CROCC2: variants seen among roughly 807,000 people sequenced by gnomAD.
CROCC2 encodes ciliary rootlet coiled-coil protein 2.
Under a neutral mutation model 177.6 loss-of-function variants are expected in CROCC2, and 163 were observed. The observed-to-expected ratio is 0.92, with a 90% CI of 0.81 to 1.05. The LOEUF (loss-of-function observed/expected upper bound fraction) is 1.05, where lower values mean the gene tolerates loss of function less well. Among genes scored for constraint, CROCC2 ranks in the 50% least tolerant of loss-of-function variants. The probability of loss-of-function intolerance (pLI) is 0.00; values close to 1 mark genes in which losing one functional copy is unlikely to be tolerated. For missense variants in CROCC2, 1,929 were observed against 1,797.8 expected, an observed-to-expected ratio of 1.07 and a Z score of -1.32; for synonymous variants, 904 against 787.3, an observed-to-expected ratio of 1.15 and a Z score of -2.48.
intron 22 of CROCC2, 40 bp downstream of exon 22, chr2:240,964,665 C>G: frequency 6.5e-7 from 1 of 1,535,900 alleles, no homozygotes. Context: ...ACCAGGCACC[C>G]TCCCGCCTGG....
At chr2:240,915,172 G>T (rs145487739) in intron 1 of CROCC2, among the ~76,000 whole-genome samples, 360 of 152,280 alleles carry the variant, frequency 2.4e-3, no homozygotes, top group African/African-American at 8.4e-3. Context: ...GTGACCTCCC[G>T]GCCCCCCATT....
intron 7 of CROCC2, among the ~76,000 whole-genome samples, chr2:240,931,414 G>A (rs1361176192): frequency 6.6e-6 from 1 of 152,222 alleles, no homozygotes; most frequent in Non-Finnish European, 1.5e-5. Context: ...ACCCAGAACT[G>A]GAGTTTTCAG....
intron 27 of CROCC2, among the ~76,000 whole-genome samples, chr2:240,971,404 G>A (rs930416322): frequency 1.9e-4 from 29 of 152,312 alleles, no homozygotes; most frequent in African/African-American, 6.7e-4. Flanking sequence ...TTTGATGGGT[G>A]GGGCCGCTCA....
Position 240,967,423 on chromosome 2 carries a change from CGCGTGGGGCA to C in CROCC2, c.4228_4237del (p.Val1410CysfsTer19), listed in dbSNP as rs1357168418. ...GTGCAGGTGTGCCCGGGCCCAGAGC[CGCGTGGGGCA>C]GCTGCAGAAAGCCCTGGCTGAGGCG... On this transcript the variant is annotated frameshift_variant, in exon 26 of 32. Transcript: ENST00000690015. LOFTEE classifies it high-confidence loss of function. The C allele has an allele frequency of 2.5e-6, 3 of 1,219,426 alleles. No homozygotes were observed. The highest frequency in any genetic ancestry group is 3.6e-6 in the Non-Finnish European group (3 of 844,906). The allele number at this position is 1,219,426 out of a possible 1,614,324, so 75.5% of individuals were successfully genotyped here.
chr2:240,906,732 C>T (rs1033130593), intron 1 of CROCC2, 141 bp downstream of exon 1: 2 of 397,116 alleles, frequency 5.0e-6, no homozygotes, highest in Non-Finnish European at 8.9e-6. Context: ...ACGTGTTTGC[C>T]TTGAGCGTGC....
chr2:240,938,932 GTA>G (rs1559597950), intron 14 of CROCC2, among the ~76,000 whole-genome samples: 1 of 152,054 alleles, frequency 6.6e-6, no homozygotes, highest in Non-Finnish European at 1.5e-5. Context: ...TACTAAGGTT[GTA>G]TGTTTATATA....
chr2:240,920,911 G>C (rs1376038180), intron 3 of CROCC2, among the ~76,000 whole-genome samples: 1 of 152,190 alleles, frequency 6.6e-6, no homozygotes, highest in Non-Finnish European at 1.5e-5. Context: ...CGTGGAGTGG[G>C]GTGTCCAGCC....
rs1207032333 is a variant in CROCC2, at chr2:240,949,960, G to C, written c.2652+258G>C. Among the ~76,000 whole-genome samples, 4 of 152,156 alleles carry C rather than the reference G, an allele frequency of 2.6e-5. No homozygotes were observed. Among genetic ancestry groups the C allele is most frequent in the Admixed American group, 1.3e-4 (2 of 15,286 alleles). On this transcript the variant is annotated intron_variant, in intron 17 of 31. Transcript: ENST00000690015. The surrounding 1 kb of genome is among the most constrained non-coding windows in gnomAD (Gnocchi z 4.5). The stretch of plus-strand genomic sequence containing the variant: ...GAAGAGGCTGGAAGGGCTGCTGGCT[G>C]GTCTGGTGCAGTCTGAAGGATGAGG...
intron 19 of CROCC2, among the ~76,000 whole-genome samples, chr2:240,956,773 C>T (rs1322205072): frequency 6.6e-6 from 1 of 152,202 alleles, no homozygotes; most frequent in African/African-American, 2.4e-5. Context: ...TGGACACCCA[C>T]TGTTATTGCT....
intron 15 of CROCC2, among the ~76,000 whole-genome samples, chr2:240,946,967 G>C (rs1158057921): frequency 1.3e-5 from 2 of 152,256 alleles, no homozygotes; most frequent in African/African-American, 4.8e-5. Flanking sequence ...GTTGGGACGG[G>C]CACTCGCAGG....
rs1263205743 is a variant in CROCC2, at chr2:240,932,412, C to A, written c.1042C>A (p.Leu348Met). 2 of 717,472 alleles carry A rather than the reference C, an allele frequency of 2.8e-6. No individual in the cohort carries two copies. The highest frequency in any genetic ancestry group is 2.0e-5 in the Admixed American group (1 of 50,018). 44.4% of individuals were successfully genotyped at this position (717,472 alleles called of 1,614,324 possible). The change falls in exon 8 of 32, where the codon CTG becomes ATG. Residue 348 changes from leucine (L) to methionine (M), a missense_variant and splice_region_variant. Leu to Met is a conservative substitution (Grantham distance 15). This residue lies in a region of CROCC2 where 1,397 missense variants were observed against 1,239.9 expected (regional missense o/e 1.13). Transcript: ENST00000690015. ...IAALRTDLQN[L>M]VAQEDARCLE... ...TGCCCTCAGAACCGACCTGCAGAAC[C>A]TGGTTGGTGGGCAGGACGGGGGTGG...
intron 1 of CROCC2, among the ~76,000 whole-genome samples, chr2:240,911,189 A>C (rs765215740): frequency 9.8e-4 from 149 of 152,272 alleles, no homozygotes; most frequent in Non-Finnish European, 1.5e-3. Flanking sequence ...TTGTGGGAAA[A>C]TATACATAAC....
chr2:240,950,519 G>C lies in CROCC2; in HGVS notation c.2829+9G>C, dbSNP rs868619587. ...AGCACAAGATGCAACAGGTGATGGT[G>C]AGGCTGGGGGGCAGCGGGATTGCTC... is the stretch of plus-strand genomic sequence containing the variant. On this transcript the variant is annotated intron_variant, in intron 18 of 31. Transcript: ENST00000690015. 1.0e-5 allele frequency: 16 copies of C among 1,546,386 alleles called. No homozygotes were observed. The Middle Eastern group carries it at 1.0e-3, about 97-fold the overall frequency.
rs759358618 is a variant in CROCC2 at position 240,959,491 on chromosome 2, G to T, written c.3087+47G>T. The stretch of plus-strand genomic sequence containing the variant: ...CTCCTGGGGATGCCAGAGGACAGGA[G>T]AAAGCAGGGCAGGTACCAAGAGAGG... On this transcript the variant is annotated intron_variant, in intron 20 of 31. Coordinates refer to ENST00000690015, the MANE Select transcript of CROCC2 (RefSeq NM_001351305.2). 20 of 1,541,302 alleles carry T rather than the reference G, an allele frequency of 1.3e-5. No individual in the cohort carries two copies. The South Asian group carries it at 2.4e-4, about 19-fold the overall frequency.
At chr2:240,992,704 G>C (rs2059888215) in intron 31 of CROCC2, among the ~76,000 whole-genome samples, 1 of 152,240 alleles carries the variant, frequency 6.6e-6, no homozygotes. Flanking sequence ...CCCTGCCATG[G>C]CCAGTCAGGG....
chr2:240,926,672 C>T (rs1478473562), intron 5 of CROCC2, among the ~76,000 whole-genome samples: 2 of 152,258 alleles, frequency 1.3e-5, no homozygotes, highest in African/African-American at 2.4e-5. Flanking sequence ...CCTCCACAGA[C>T]GTCCCTCAGA....
At position 240,933,255 on chromosome 2, in the gene CROCC2, C is replaced by G; in HGVS notation, c.1376C>G (p.Ala459Gly). 1 of 1,548,774 alleles carries G rather than the reference C, an allele frequency of 6.5e-7. No individual in the cohort carries two copies. Among genetic ancestry groups the G allele is most frequent in the East Asian group, 2.4e-5 (1 of 40,904 alleles). The change falls in exon 10 of 32, where the codon GCA becomes GGA. Residue 459 changes from alanine to glycine, a missense_variant. Coordinates refer to ENST00000690015, the MANE Select transcript of CROCC2 (RefSeq NM_001351305.2). The part of the protein sequence containing the change: ...KLQQERAREQ[A>G]REREALRGQL... ...CAGCAGGAGCGGGCTCGGGAGCAGG[C>G]ACGGGAACGAGAGGCTCTTCGGGGC...
In CROCC2 at chr2:240,974,107, A is replaced by G. The variant is rs1344232901; in HGVS notation, c.4401+5845A>G. On this transcript the variant is annotated intron_variant, in intron 27 of 31. Transcript: ENST00000690015. ...GCTTAGCATCATCTTCGTTATATACATGGTCTTGTCAGCAGTTACACCTGC... is the reference window on the plus strand; with the variant it reads ...GCTTAGCATCATCTTCGTTATATACGTGGTCTTGTCAGCAGTTACACCTGC... Among the ~76,000 whole-genome samples, 6 of 152,304 alleles carry G rather than the reference A, an allele frequency of 3.9e-5. 1 individual carries two copies. The highest frequency in any genetic ancestry group is 2.1e-4 in the South Asian group (1 of 4,824).
In CROCC2 at chr2:240,918,762, A is replaced by C. The variant is rs1220649994; in HGVS notation, c.115A>C (p.Arg39=). 2 of 581,938 alleles carry C rather than the reference A, an allele frequency of 3.4e-6. No homozygotes were observed. The highest frequency in any genetic ancestry group is 6.6e-5 in the Admixed American group (2 of 30,400). 36.0% of individuals were successfully genotyped at this position (581,938 alleles called of 1,614,324 possible). A position where few individuals can be genotyped will look rare whatever the true frequency, so the allele number is the denominator to read the frequency against. The change falls in exon 2 of 32, where the codon AGG becomes CGG. Residue 39 remains arginine, a synonymous_variant. Coordinates refer to ENST00000690015, the MANE Select transcript of CROCC2 (RefSeq NM_001351305.2). The surrounding 1 kb of genome is among the most constrained non-coding windows in gnomAD (Gnocchi z 6.3). ...CACCATCCTGAGTCCCACAGCCAGC[A>C]GGGAAGACCGGGCGCTGACCGTGCG... ...EDTILSPTAS[R]EDRALTVRGE...
Sources: gnomAD v4.1 joint callset for allele counts (sites outside exome capture counted in the v4.1 genomes callset) on GRCh38, gnomAD v4.1.1 for gene constraint, gnomAD v4.1.1 regional missense constraint, Gnocchi (gnomAD v3.1) non-coding constraint, MANE v1.5 for transcripts, NCBI Gene and HGNC (gene_info 2026-07-23, HGNC 2026-07-21) for gene names.